Variants in RTL1 observed in about 807,000 individuals in gnomAD.
The protein encoded by RTL1 is retrotransposon Gag like 1.
For missense variants in RTL1, 1,681 were observed against 1,767.5 expected, an observed-to-expected ratio of 0.95 and a Z score of 0.88; for synonymous variants, 727 against 748.4, an observed-to-expected ratio of 0.97 and a Z score of 0.47.
chr14:100,881,385 C>T lies in RTL1; in HGVS notation c.3404G>A (p.Gly1135Asp), dbSNP rs1595333083. Reference protein sequence around the residue: ...RLILDSSLIAGSSITTAITQL... With the variant: ...RLILDSSLIADSSITTAITQL... ...GGTGATGGCTGTCGTGATGCTGCTG[C>T]CTGCGATGAGGGACGAATCCAGGAT... The change falls in exon 4 of 4, where the codon GGC becomes GAC. Residue 1135 changes from glycine to aspartate, a missense_variant. Transcript: ENST00000649591. The surrounding 1 kb of genome is among the most constrained non-coding windows in gnomAD (Gnocchi z 6.6). 3 of 1,550,728 alleles carry T rather than the reference C, an allele frequency of 1.9e-6. No individual in the cohort carries two copies. In the East Asian group the frequency reaches 7.3e-5, roughly 38 times the overall value.
intron 2 of RTL1, among the ~76,000 whole-genome samples, chr14:100,897,206 G>C (rs1054216904): frequency 3.3e-5 from 5 of 152,124 alleles, no homozygotes; most frequent in African/African-American, 4.8e-5. Context: ...CTTGCTCTGG[G>C]CATGTACCCA....
intron 2 of RTL1, among the ~76,000 whole-genome samples, chr14:100,902,299 T>C (rs997216918): frequency 3.9e-5 from 6 of 152,322 alleles, no homozygotes; most frequent in South Asian, 2.1e-4. Flanking sequence ...CTGTGCTGAA[T>C]GGCAATACCC....
Position 100,881,650 on chromosome 14 carries a change from G to C in RTL1, c.3139C>G (p.Arg1047Gly), listed in dbSNP as rs779181991. The C allele has an allele frequency of 5.2e-6, 8 of 1,552,182 alleles. No homozygotes were observed. The highest frequency in any genetic ancestry group is 2.4e-5 in the East Asian group (1 of 40,922). ...EQDELNEQIL[R>G]QELLAMIPID... ...GGTATCATGGCCAGCAGCTCTTGCC[G>C]TAGGATCTGTTCATTGAGCTCATCC... The change falls in exon 4 of 4, where the codon CGG becomes GGG. Residue 1047 changes from arginine (R) to glycine (G), a missense_variant. Coordinates refer to ENST00000649591, the MANE Select transcript of RTL1 (RefSeq NM_001134888.3). This position sits in a 1 kb window ranked among gnomAD's most constrained non-coding sequence, Gnocchi z 6.6.
intron 2 of RTL1, among the ~76,000 whole-genome samples, chr14:100,902,779 G>T (rs941573): frequency 0.84 from 127,289 of 152,250 alleles, 53,514 homozygotes; most frequent in East Asian, 0.99. Flanking sequence ...CGTCACTGGC[G>T]TGAAGTGAGG....
Position 100,881,500 on chromosome 14 carries a change from C to G in RTL1, c.3289G>C (p.Val1097Leu), listed in dbSNP as rs2038613090. The G allele has an allele frequency of 1.9e-6, 3 of 1,551,422 alleles. No individual in the cohort carries two copies. The highest frequency in any genetic ancestry group is 2.6e-6 in the Non-Finnish European group (3 of 1,146,998). ...AGGCATTGCCTCACGCGCAGTAGCA[C>G]GAGGATGGCTGCCAGGGCTAGGGTG... ...KNTLALAAILVLLRVRQCLSL... is the reference protein window; with the variant it reads ...KNTLALAAILLLLRVRQCLSL... Residue 1097 changes from valine to leucine, a missense_variant, in exon 4 of 4, where the codon GTG becomes CTG. Coordinates refer to ENST00000649591, the MANE Select transcript of RTL1 (RefSeq NM_001134888.3). This position sits in a 1 kb window ranked among gnomAD's most constrained non-coding sequence, Gnocchi z 6.6.
intron 3 of RTL1, among the ~76,000 whole-genome samples, chr14:100,890,283 G>A (rs1460014681): frequency 1.3e-5 from 2 of 151,610 alleles, no homozygotes; most frequent in Middle Eastern, 3.4e-3. Flanking sequence ...GGCTGCCAAC[G>A]TGTGTCTATG....
Position 100,879,805 on chromosome 14 carries a change from G to T in RTL1, c.*907C>A, listed in dbSNP as rs1566751380. On this transcript the variant is annotated 3_prime_UTR_variant, in exon 4 of 4. Coordinates refer to ENST00000649591, the MANE Select transcript of RTL1 (RefSeq NM_001134888.3). Reference sequence around the variant, plus strand: ...TGCAAAAAGATTGGGGGGTGAGAAAGCTCGGGGGGTGGGGAAGGGTCTACT... The same window carrying T: ...TGCAAAAAGATTGGGGGGTGAGAAATCTCGGGGGGTGGGGAAGGGTCTACT... 6.7e-6 allele frequency among the ~76,000 whole-genome samples: 1 copy of T among 149,280 alleles called. No individual in the cohort carries two copies. The highest frequency in any genetic ancestry group is 1.5e-5 in the Non-Finnish European group (1 of 67,342).
At position 100,880,176 on chromosome 14, in the gene RTL1, C is replaced by T. The variant is rs937255406; in HGVS notation, c.*536G>A. Among the ~76,000 whole-genome samples, 4 of 138,602 alleles carry T rather than the reference C, an allele frequency of 2.9e-5. No homozygotes were observed. The highest frequency in any genetic ancestry group is 2.3e-4 in the Admixed American group (3 of 12,864). 90.9% of individuals were successfully genotyped at this position (138,602 alleles called of 152,430 possible). A position where few individuals can be genotyped will look rare whatever the true frequency, so the allele number is the denominator to read the frequency against. On this transcript the variant is annotated 3_prime_UTR_variant, in exon 4 of 4. Coordinates refer to ENST00000649591, the MANE Select transcript of RTL1 (RefSeq NM_001134888.3). ...CAGGGTGTGATGGGGGTGAGGGAGGCACCACATCATCAGATGTCGGGAGGT... is the reference window on the plus strand; with the variant it reads ...CAGGGTGTGATGGGGGTGAGGGAGGTACCACATCATCAGATGTCGGGAGGT...
intron 3 of RTL1, among the ~76,000 whole-genome samples, chr14:100,887,027 T>G (rs192279564): frequency 6.6e-6 from 1 of 152,372 alleles, no homozygotes; most frequent in African/African-American, 2.4e-5. Flanking sequence ...AAGTTTAAAC[T>G]GTTAGCAAGA....
chr14:100,884,099 C>T lies in RTL1; in HGVS notation c.690G>A (p.Met230Ile), dbSNP rs2038662140. 4 of 1,551,700 alleles carry T rather than the reference C, an allele frequency of 2.6e-6. No homozygotes were observed. The highest frequency in any genetic ancestry group is 3.5e-6 in the Non-Finnish European group (4 of 1,146,998). ...CAACTCTCAGACGGTCGTTATAGAACATTCTTGGGTAGCTCTGTAAGGTCA... is the reference window on the plus strand; with the variant it reads ...CAACTCTCAGACGGTCGTTATAGAATATTCTTGGGTAGCTCTGTAAGGTCA... ...CQLTLQSYPR[M>I]FYNDRLRVGY... The change falls in exon 4 of 4, where the codon ATG becomes ATA. Residue 230 changes from methionine (M) to isoleucine (I), a missense_variant. Physicochemically the swap from Met to Ile is conservative, Grantham distance 10. Coordinates refer to ENST00000649591, the MANE Select transcript of RTL1 (RefSeq NM_001134888.3).
chr14:100,900,047 C>T (rs1015491345), intron 2 of RTL1, among the ~76,000 whole-genome samples: 1 of 152,248 alleles, frequency 6.6e-6, no homozygotes, highest in South Asian at 2.1e-4. Context: ...AGGGGCTGCC[C>T]TACCACTTTG....
rs927511184 is a variant in RTL1 at position 100,880,223 on chromosome 14, C to T, written c.*489G>A. On this transcript the variant is annotated 3_prime_UTR_variant, in exon 4 of 4. Coordinates refer to ENST00000649591, the MANE Select transcript of RTL1 (RefSeq NM_001134888.3). ...AGGTTGGGGGATGGGGGTTGGGGGG[C>T]GGGGGCGGGAGCTCAGGGGAGCAGG... is the stretch of plus-strand genomic sequence containing the variant. 5.8e-4 allele frequency among the ~76,000 whole-genome samples: 5 copies of T among 8,600 alleles called. No homozygotes were observed. The highest frequency in any genetic ancestry group is 1.0e-3 in the African/African-American group (2 of 1,970). 5.6% of individuals were successfully genotyped at this position (8,600 alleles called of 152,430 possible).
Position 100,880,004 on chromosome 14 carries a change from T to C in RTL1, c.*708A>G, listed in dbSNP as rs1027222360. On this transcript the variant is annotated 3_prime_UTR_variant, in exon 4 of 4. Transcript: ENST00000649591. The stretch of plus-strand genomic sequence containing the variant: ...CCCCAAGGCATGCAGGGGCCCTCTT[T>C]GCTGTGCAAGTCTGGTAAGTGGCAC... 1.3e-5 allele frequency among the ~76,000 whole-genome samples: 2 copies of C among 151,744 alleles called. No homozygotes were observed. Among genetic ancestry groups the C allele is most frequent in the African/African-American group, 4.8e-5 (2 of 41,238 alleles).
At chr14:100,890,458 G>A (rs1420790562) in intron 3 of RTL1, among the ~76,000 whole-genome samples, 3 of 149,042 alleles carry the variant, frequency 2.0e-5, no homozygotes, top group African/African-American at 5.0e-5. Flanking sequence ...GCGGGGGGCC[G>A]GGGTGGGGGA....
At position 100,897,751 on chromosome 14, in the gene RTL1, CGGGGGGGGGGGT is replaced by C. The variant is rs1487205693; in HGVS notation, c.-148-4258_-148-4247del. On this transcript the variant is annotated intron_variant, in intron 2 of 3. Transcript: ENST00000649591. ...GCCTCAGGTCCTTTACCCTGGTTGG[CGGGGGGGGGGGT>C]GGGGGGGTGGGGGGCGGGGGGGGGC... 2.4e-3 allele frequency: 120 copies of C among 50,470 alleles called. 10 individuals carry two copies. Among genetic ancestry groups the C allele is most frequent in the African/African-American group, 0.015 (101 of 6,782 alleles). 3.1% of individuals were successfully genotyped at this position (50,470 alleles called of 1,614,324 possible). A position where few individuals can be genotyped will look rare whatever the true frequency, so the allele number is the denominator to read the frequency against.
At chr14:100,897,914 C>A (rs565205049) in intron 2 of RTL1, 10 of 507,582 alleles carry the variant, frequency 2.0e-5, no homozygotes, top group African/African-American at 1.4e-4. Flanking sequence ...TAAAAGGGGG[C>A]TTTTCTGGAC....
In RTL1 at chr14:100,883,712, C is replaced by T; in HGVS notation, c.1077G>A (p.Glu359=). 6.4e-7 allele frequency: 1 copy of T among 1,551,620 alleles called. No homozygotes were observed. The highest frequency in any genetic ancestry group is 2.0e-5 in the Admixed American group (1 of 51,012). The change falls in exon 4 of 4, where the codon GAG becomes GAA. Residue 359 remains glutamate (E), a synonymous_variant. Transcript: ENST00000649591. The surrounding 1 kb of genome is among the most constrained non-coding windows in gnomAD (Gnocchi z 5.9). ...SLIVLILQIE[E]KLAERRAMLR... ...GCATAGCTCTTCTCTCTGCCAGCTT[C>T]TCTTCTATTTGCAGGATGAGCACAA...
intron 2 of RTL1, chr14:100,897,754 G>GA (rs2038882880): frequency 7.4e-6 from 1 of 134,642 alleles, no homozygotes; most frequent in Non-Finnish European, 1.4e-5. Context: ...TGGTTGGCGG[G>GA]GGGGGGGGTG....
Position 100,880,323 on chromosome 14 carries a change from G to A in RTL1, c.*389C>T, listed in dbSNP as rs902046266. On this transcript the variant is annotated 3_prime_UTR_variant, in exon 4 of 4. Transcript: ENST00000649591. Reference sequence around the variant, plus strand: ...GTCCCAGGGTGGCCATCACCAGGCCGGGTGGGGGGCCCCGTCACCTGCTTG... The same window carrying A: ...GTCCCAGGGTGGCCATCACCAGGCCAGGTGGGGGGCCCCGTCACCTGCTTG... Among the ~76,000 whole-genome samples, 4 of 152,082 alleles carry A rather than the reference G, an allele frequency of 2.6e-5. No individual in the cohort carries two copies. Among genetic ancestry groups the A allele is most frequent in the African/African-American group, 9.7e-5 (4 of 41,430 alleles).
Sources: gnomAD v4.1 joint callset for allele counts (sites outside exome capture counted in the v4.1 genomes callset) on GRCh38, gnomAD v4.1.1 for gene constraint, Gnocchi (gnomAD v3.1) non-coding constraint, MANE v1.5 for transcripts, NCBI Gene and HGNC (gene_info 2026-07-23, HGNC 2026-07-21) for gene names.